ZNF407: variants seen among roughly 807,000 people sequenced by gnomAD.
ZNF407 encodes zinc finger protein 407.
A neutral mutation model predicts 131.2 loss-of-function variants in ZNF407; 17 were observed. The ratio of observed to expected loss-of-function variants is 0.13; its 90% CI spans 0.09 to 0.19. The LOEUF (loss-of-function observed/expected upper bound fraction) is 0.19, where lower values mean the gene tolerates loss of function less well. ZNF407 is among the 10% of genes least tolerant of loss of function. The pLI, the probability that ZNF407 is intolerant of heterozygous loss-of-function variation, is 1.00. For synonymous variants in ZNF407, 1,156 were observed against 1,062.0 expected, an observed-to-expected ratio of 1.09 and a Z score of -1.72; for missense variants, 2,681 against 2,830.6, an observed-to-expected ratio of 0.95 and a Z score of 1.20.
intron 4 of ZNF407, among the ~76,000 whole-genome samples, chr18:74,850,486 G>A (rs1436097764): frequency 6.6e-6 from 1 of 151,988 alleles, no homozygotes; most frequent in Non-Finnish European, 1.5e-5. Flanking sequence ...TTGCCAGTAC[G>A]CCTGTTTCCG....
At chr18:74,935,407 C>T (rs1037972652) in intron 8 of ZNF407, among the ~76,000 whole-genome samples, 1 of 152,112 alleles carries the variant, frequency 6.6e-6, no homozygotes, top group Admixed American at 6.5e-5. Flanking sequence ...TGGTGTTTTA[C>T]AAATAAACCA....
intron 4 of ZNF407, among the ~76,000 whole-genome samples, chr18:74,848,446 A>G (rs1350025607): frequency 2.6e-5 from 4 of 152,300 alleles, no homozygotes; most frequent in Middle Eastern, 3.4e-3. Context: ...CGGATGCTTT[A>G]TGTCTACATG....
intron 8 of ZNF407, among the ~76,000 whole-genome samples, chr18:74,932,157 TG>T (rs1243292724): frequency 6.6e-6 from 1 of 152,254 alleles, no homozygotes; most frequent in East Asian, 1.9e-4. Flanking sequence ...AGAAGCTTTA[TG>T]CTTTTATTAC....
In ZNF407 at chr18:74,631,387, G is replaced by T. The variant is rs1011551701; in HGVS notation, c.368G>T (p.Gly123Val). ...KETFLSDCTV[G>V]GTCLPNALSP... ...ACCTTTCTGAGTGACTGCACAGTTG[G>T]AGGCACATGTCTCCCAAATGCCCTC... Residue 123 changes from glycine to valine, a missense_variant, in exon 2 of 9, where the codon GGA becomes GTA. Physicochemically the swap from Gly to Val is moderately radical, Grantham distance 109 (BLOSUM62 -3). Around this residue, in one of 6 missense-constraint regions of ZNF407, gnomAD observed 1,789 missense variants for 1,748.7 expected, o/e 1.02. Transcript: ENST00000299687. 1.9e-6 allele frequency: 3 copies of T among 1,613,892 alleles called. No homozygotes were observed. In the African/African-American group the frequency reaches 4.0e-5, roughly 22 times the overall value.
At chr18:74,816,472 T>C (rs1351206331) in intron 4 of ZNF407, among the ~76,000 whole-genome samples, 2 of 152,220 alleles carry the variant, frequency 1.3e-5, no homozygotes, top group African/African-American at 4.8e-5. Context: ...TAGGAAAAAT[T>C]CTGTTTCTAT....
intron 4 of ZNF407, among the ~76,000 whole-genome samples, chr18:74,870,868 T>A (rs1210525910): frequency 6.6e-6 from 1 of 152,200 alleles, no homozygotes; most frequent in Non-Finnish European, 1.5e-5. Flanking sequence ...TGAAACTCCA[T>A]AGAAATATGG....
chr18:74,945,123 G>A (rs576315718), intron 8 of ZNF407, among the ~76,000 whole-genome samples: 2 of 152,166 alleles, frequency 1.3e-5, no homozygotes, highest in Admixed American at 1.3e-4. Context: ...TTTTTAACCC[G>A]GGTAGAAGTG....
chr18:74,847,304 T>C (rs1970715852), intron 4 of ZNF407, among the ~76,000 whole-genome samples: 1 of 152,208 alleles, frequency 6.6e-6, no homozygotes. Context: ...ATATTAACTC[T>C]AAATGCATCT....
chr18:74,693,994 G>A (rs1967291806), intron 3 of ZNF407, among the ~76,000 whole-genome samples: 1 of 151,886 alleles, frequency 6.6e-6, no homozygotes, highest in Non-Finnish European at 1.5e-5. Context: ...ATTCCATCAT[G>A]GTATAATCTC....
intron 4 of ZNF407, among the ~76,000 whole-genome samples, chr18:74,854,409 A>G (rs764502072): frequency 2.0e-5 from 3 of 152,218 alleles, no homozygotes; most frequent in Non-Finnish European, 4.4e-5. Flanking sequence ...ATCTCTTACA[A>G]AATTCATACT....
intron 7 of ZNF407, among the ~76,000 whole-genome samples, chr18:74,893,623 C>T (rs140330274): frequency 1.3e-5 from 2 of 152,158 alleles, no homozygotes; most frequent in East Asian, 1.9e-4. Context: ...GTTTTTGTTG[C>T]GTACGATAGT....
At chr18:74,957,838 T>G (rs1972293981) in intron 8 of ZNF407, among the ~76,000 whole-genome samples, 1 of 152,234 alleles carries the variant, frequency 6.6e-6, no homozygotes, top group South Asian at 2.1e-4. Flanking sequence ...GCATATGCTG[T>G]GTACTCAACA....
At chr18:74,686,047 A>G (rs1452908389) in intron 3 of ZNF407, among the ~76,000 whole-genome samples, 1 of 152,218 alleles carries the variant, frequency 6.6e-6, no homozygotes, top group Non-Finnish European at 1.5e-5. Flanking sequence ...TAATTCTTCA[A>G]TCAAATGCGT....
intron 1 of ZNF407, among the ~76,000 whole-genome samples, chr18:74,617,120 A>G (rs1983343539): frequency 3.1e-4 from 35 of 111,894 alleles, no homozygotes; most frequent in African/African-American, 6.0e-4. Context: ...CACACACCAC[A>G]CACATCCATA....
chr18:75,006,139 G>A (rs968502692), intron 8 of ZNF407, among the ~76,000 whole-genome samples: 2 of 152,130 alleles, frequency 1.3e-5, no homozygotes, highest in African/African-American at 4.8e-5. Context: ...GAGCTGCGAC[G>A]TGCAGTCCTA....
chr18:74,805,543 C>CT (rs897847566), intron 4 of ZNF407, among the ~76,000 whole-genome samples: 2 of 152,136 alleles, frequency 1.3e-5, no homozygotes, highest in African/African-American at 4.8e-5. Flanking sequence ...CCATAATTAT[C>CT]TTTTGTTTTC....
chr18:74,625,938 G>A (rs1398875911), intron 1 of ZNF407, among the ~76,000 whole-genome samples: 2 of 152,052 alleles, frequency 1.3e-5, no homozygotes, highest in Middle Eastern at 6.3e-3. Context: ...AACCATAACA[G>A]AAAAAGCATT....
intron 4 of ZNF407, among the ~76,000 whole-genome samples, chr18:74,848,111 A>G (rs1478833475): frequency 6.6e-6 from 1 of 152,160 alleles, no homozygotes; most frequent in East Asian, 1.9e-4. Flanking sequence ...CTGAACTCAT[A>G]TAGGATTTTT....
At chr18:75,053,755 C>T (rs771273132) in intron 8 of ZNF407, among the ~76,000 whole-genome samples, 11 of 152,208 alleles carry the variant, frequency 7.2e-5, no homozygotes, top group Non-Finnish European at 1.0e-4. Context: ...TCGGTCCTGC[C>T]GTGTGTAGAA....
Sources: gnomAD v4.1 joint callset for allele counts (sites outside exome capture counted in the v4.1 genomes callset) on GRCh38, gnomAD v4.1.1 for gene constraint, gnomAD v4.1.1 regional missense constraint, MANE v1.5 for transcripts, NCBI Gene and HGNC (gene_info 2026-07-23, HGNC 2026-07-21) for gene names.